Variants in SERGEF observed in about 807,000 individuals in gnomAD.
SERGEF encodes secretion-regulating guanine nucleotide exchange factor.
In SERGEF, 51 loss-of-function variants were observed where a neutral mutation model predicts 50.0. The ratio of observed to expected loss-of-function variants is 1.02; its 90% CI spans 0.81 to 1.29. SERGEF has a LOEUF of 1.29. SERGEF is among the 50% of genes most tolerant of loss of function. SERGEF has a pLI of 0.00. For missense variants in SERGEF, 521 were observed against 557.0 expected, an observed-to-expected ratio of 0.94 and a Z score of 0.65; for synonymous variants, 205 against 212.4, an observed-to-expected ratio of 0.97 and a Z score of 0.30.
At chr11:17,928,428 C>T (rs1348678576) in intron 9 of SERGEF, among the ~76,000 whole-genome samples, 1 of 152,138 alleles carries the variant, frequency 6.6e-6, no homozygotes, top group Non-Finnish European at 1.5e-5. Flanking sequence ...GGAACCAGCA[C>T]AGACTGAATA....
At chr11:17,824,568 A>G (rs1298912195) in intron 10 of SERGEF, among the ~76,000 whole-genome samples, 1 of 152,190 alleles carries the variant, frequency 6.6e-6, no homozygotes, top group Non-Finnish European at 1.5e-5. Context: ...GGGTAGCTGA[A>G]ACAACAGAAA....
At chr11:17,844,608 C>T (rs938022945) in intron 10 of SERGEF, among the ~76,000 whole-genome samples, 1 of 152,170 alleles carries the variant, frequency 6.6e-6, no homozygotes, top group South Asian at 2.1e-4. Flanking sequence ...CAAAGCCTTG[C>T]GTCTTCCTCC....
intron 10 of SERGEF, chr11:17,853,582 T>A (rs1254951530): frequency 6.6e-6 from 1 of 152,220 alleles, no homozygotes; most frequent in Non-Finnish European, 1.5e-5. Flanking sequence ...TGGTTTTTCC[T>A]CAGGGAGACA....
At chr11:17,968,330 A>T (rs1438070057) in intron 8 of SERGEF, among the ~76,000 whole-genome samples, 1 of 152,236 alleles carries the variant, frequency 6.6e-6, no homozygotes, top group Non-Finnish European at 1.5e-5. Context: ...AAACAGATCC[A>T]GGCATTCACA....
intron 9 of SERGEF, among the ~76,000 whole-genome samples, chr11:17,940,880 C>A (rs1852550190): frequency 6.6e-6 from 1 of 152,226 alleles, no homozygotes; most frequent in Non-Finnish European, 1.5e-5. Flanking sequence ...TGTACTTCTG[C>A]TGAATTGTGG....
At chr11:17,825,183 TA>T (rs1186819467) in intron 10 of SERGEF, among the ~76,000 whole-genome samples, 1 of 152,196 alleles carries the variant, frequency 6.6e-6, no homozygotes, top group East Asian at 1.9e-4. Flanking sequence ...CTGGGGACAC[TA>T]AAGTAAATGA....
In SERGEF at chr11:17,959,538, A is replaced by G; in HGVS notation, c.943T>C (p.Phe315Leu). 6.2e-7 allele frequency: 1 copy of G among 1,614,110 alleles called. No homozygotes were observed. Among genetic ancestry groups the G allele is most frequent in the Admixed American group, 1.7e-5 (1 of 60,032 alleles). Reference sequence around the variant, plus strand: ...TTCGGTGGTCTTGAACAGGGGAGAAATGAATCTTGCTTTTCTAGTTTCCAG... The same window carrying G: ...TTCGGTGGTCTTGAACAGGGGAGAAGTGAATCTTGCTTTTCTAGTTTCCAG... The part of the protein sequence containing the change: ...EGWKLEKQDS[F>L]LPCSRPPNSM... Residue 315 changes from phenylalanine (F) to leucine (L), a missense_variant, in exon 9 of 11, where the codon TTT (phenylalanine) becomes CTT (leucine). Physicochemically the swap from Phe to Leu is conservative, Grantham distance 22. Transcript: ENST00000265965.
At chr11:17,905,672 AAAG>A (rs1353321851) in intron 9 of SERGEF, among the ~76,000 whole-genome samples, 18 of 152,332 alleles carry the variant, frequency 1.2e-4, no homozygotes, top group African/African-American at 3.1e-4. Flanking sequence ...TGAAACCCAG[AAAG>A]AAGAAGTGAA....
chr11:17,920,709 G>C (rs1390495324), intron 9 of SERGEF, among the ~76,000 whole-genome samples: 1 of 152,214 alleles, frequency 6.6e-6, no homozygotes, highest in African/African-American at 2.4e-5. Flanking sequence ...AGTGATGTGA[G>C]ATTAGAGCAA....
chr11:17,951,845 C>T (rs529835445), intron 9 of SERGEF, among the ~76,000 whole-genome samples: 1 of 152,196 alleles, frequency 6.6e-6, no homozygotes, highest in Non-Finnish European at 1.5e-5. Context: ...TCTGCCCTTC[C>T]CGCCACTCAG....
chr11:17,940,556 C>A (rs1215238444), intron 9 of SERGEF, among the ~76,000 whole-genome samples: 4 of 152,174 alleles, frequency 2.6e-5, no homozygotes, highest in Non-Finnish European at 5.9e-5. Flanking sequence ...AACCCACACA[C>A]AACCATTTCT....
chr11:17,864,099 T>G (rs1323833356), intron 10 of SERGEF, among the ~76,000 whole-genome samples: 1 of 152,212 alleles, frequency 6.6e-6, no homozygotes, highest in African/African-American at 2.4e-5. Context: ...TTGCTCTAAT[T>G]TTTTGTATTT....
intron 5 of SERGEF, among the ~76,000 whole-genome samples, chr11:17,996,216 T>C (rs191853965): frequency 6.6e-6 from 1 of 152,130 alleles, no homozygotes; most frequent in African/African-American, 2.4e-5. Context: ...TTATTCATGA[T>C]TAACCTGAAA....
chr11:17,926,379 AG>A (rs1472408203), intron 9 of SERGEF, among the ~76,000 whole-genome samples: 1 of 152,142 alleles, frequency 6.6e-6, no homozygotes, highest in Non-Finnish European at 1.5e-5. Context: ...AGTTCTCACA[AG>A]CAGGGCCAGA....
At chr11:17,910,367 A>G (rs1020529533) in intron 9 of SERGEF, among the ~76,000 whole-genome samples, 5 of 151,944 alleles carry the variant, frequency 3.3e-5, no homozygotes, top group African/African-American at 1.2e-4. Context: ...TCCTGCCTCA[A>G]CCTCCCGAGT....
rs529485581 is a variant in SERGEF, at chr11:17,918,894, C to T, written c.1011+40576G>A. ...TCAAGTTACAGAACTGCAAGTTATCCCCTTAGGTGAAGCAAAAGGTTCACT... is the reference window on the plus strand; with the variant it reads ...TCAAGTTACAGAACTGCAAGTTATCTCCTTAGGTGAAGCAAAAGGTTCACT... On this transcript the variant is annotated intron_variant, in intron 9 of 10. Coordinates refer to ENST00000265965, the MANE Select transcript of SERGEF (RefSeq NM_012139.4). 4 of 336,056 alleles carry T rather than the reference C, an allele frequency of 1.2e-5. No homozygotes were observed. In the Admixed American group the frequency reaches 1.7e-4, roughly 14 times the overall value. The allele number at this position is 336,056 out of a possible 1,614,324, so 20.8% of individuals were successfully genotyped here.
chr11:17,900,054 C>T (rs1851721159), intron 9 of SERGEF, among the ~76,000 whole-genome samples: 2 of 152,066 alleles, frequency 1.3e-5, no homozygotes, highest in African/African-American at 2.4e-5. Context: ...AATATCCCTA[C>T]CTTCTAGGAG....
chr11:17,815,635 A>T (rs573891526), intron 10 of SERGEF, among the ~76,000 whole-genome samples: 1 of 142,378 alleles, frequency 7.0e-6, no homozygotes, highest in Non-Finnish European at 1.5e-5. Context: ...AAAACAAAAC[A>T]AAAACCGGCC....
At chr11:17,990,544 G>A (rs1374679624) in intron 7 of SERGEF, among the ~76,000 whole-genome samples, 10 of 152,180 alleles carry the variant, frequency 6.6e-5, no homozygotes, top group Non-Finnish European at 1.5e-4. Flanking sequence ...TGAAGCCTGT[G>A]TAAACAACTT....
Sources: allele counts gnomAD v4.1 joint callset (sites outside exome capture counted in the v4.1 genomes callset), GRCh38; gene constraint gnomAD v4.1.1; transcripts MANE v1.5; gene names NCBI Gene and HGNC (gene_info 2026-07-23, HGNC 2026-07-21).